The following SAMMSON variants were observed in gnomAD, a reference collection of about 807,000 sequenced individuals.
SAMMSON encodes long intergenic non-protein coding RNA 1212.
At chr3:70,118,836 C>G (rs914459332) in intron 4 of SAMMSON, among the ~76,000 whole-genome samples, 2 of 152,162 alleles carry the variant, frequency 1.3e-5, no homozygotes, top group African/African-American at 4.8e-5. Flanking sequence ...CAAAGACATA[C>G]TACTCTTAAG....
At chr3:70,133,318 A>G (rs565686760) in intron 4 of SAMMSON, among the ~76,000 whole-genome samples, 1 of 152,280 alleles carries the variant, frequency 6.6e-6, no homozygotes, top group East Asian at 1.9e-4. Flanking sequence ...ACGCAAAAGG[A>G]CAGGGTTCAG....
chr3:70,393,729 G>A (rs368865471), downstream of SAMMSON, among the ~76,000 whole-genome samples: 5 of 152,176 alleles, frequency 3.3e-5, no homozygotes, highest in South Asian at 2.1e-4. Context: ...CAGGTGCAAA[G>A]GTCTGGAGGT....
At chr3:70,281,740 G>A (rs536190150) in intron 6 of SAMMSON, among the ~76,000 whole-genome samples, 9 of 152,174 alleles carry the variant, frequency 5.9e-5, no homozygotes, top group South Asian at 2.1e-4. Flanking sequence ...TTGGAATTCC[G>A]ATAGAGAATC....
At chr3:70,073,391 G>A (rs548435162) in intron 4 of SAMMSON, among the ~76,000 whole-genome samples, 181 of 152,126 alleles carry the variant, frequency 1.2e-3, no homozygotes, top group Non-Finnish European at 1.9e-3. Context: ...TGCCCACTAT[G>A]TGCTGGTTCT....
In SAMMSON at chr3:70,044,699, A is replaced by C. The variant is rs1046713918; in HGVS notation, n.418-26777A>C. On this transcript the variant is annotated intron_variant and non_coding_transcript_variant, in intron 3 of 9. Transcript: ENST00000642114. ...ACACACACATGCACAAATAAAACAA[A>C]AACTGGAAGTTCTTCTAAGCAATAT... is the stretch of plus-strand genomic sequence containing the variant. 4.6e-4 allele frequency among the ~76,000 whole-genome samples: 70 copies of C among 151,908 alleles called. 1 individual carries two copies. The highest frequency in any genetic ancestry group is 4.6e-3 in the Admixed American group (70 of 15,206).
intron 4 of SAMMSON, among the ~76,000 whole-genome samples, chr3:70,148,156 C>T (rs1421963912): frequency 6.6e-6 from 1 of 152,068 alleles, no homozygotes; most frequent in Non-Finnish European, 1.5e-5. Flanking sequence ...GAATGTGGAG[C>T]AACTGGAATT....
chr3:70,206,489 T>C (rs564431571), intron 4 of SAMMSON: 5 of 396,094 alleles, frequency 1.3e-5, no homozygotes, highest in Non-Finnish European at 2.2e-5. Flanking sequence ...TTTTTTTTCC[T>C]AACAGCATAT....
chr3:70,190,892 T>A (rs1459773620), intron 4 of SAMMSON, among the ~76,000 whole-genome samples: 2 of 152,128 alleles, frequency 1.3e-5, no homozygotes, highest in African/African-American at 4.8e-5. Flanking sequence ...AATTATAGGA[T>A]CACAGCAATG....
intron 4 of SAMMSON, among the ~76,000 whole-genome samples, chr3:70,159,040 A>T (rs2106691876): frequency 6.6e-6 from 1 of 152,022 alleles, no homozygotes; most frequent in East Asian, 1.9e-4. Flanking sequence ...AAAATTGACC[A>T]GTCATTTTAC....
chr3:70,154,405 A>G (rs34556593), intron 4 of SAMMSON, among the ~76,000 whole-genome samples: 1 of 151,842 alleles, frequency 6.6e-6, no homozygotes, highest in Non-Finnish European at 1.5e-5. Flanking sequence ...GGCATAGCCA[A>G]GTCATAAGGC....
At chr3:70,389,869 G>A (rs1230867199), downstream of SAMMSON, 1 of 152,110 alleles carries the variant, frequency 6.6e-6, no homozygotes, top group Non-Finnish European at 1.5e-5. Context: ...CAAAATCCTG[G>A]TTTAAGTAGA....
At chr3:70,146,832 C>G (rs541124036) in intron 4 of SAMMSON, among the ~76,000 whole-genome samples, 1 of 151,964 alleles carries the variant, frequency 6.6e-6, no homozygotes, top group Non-Finnish European at 1.5e-5. Flanking sequence ...TCCAGTACAA[C>G]CAAGCTAGAA....
At chr3:70,333,956 T>C (rs1239562878) in intron 7 of SAMMSON, among the ~76,000 whole-genome samples, 1 of 152,216 alleles carries the variant, frequency 6.6e-6, no homozygotes, top group Non-Finnish European at 1.5e-5. Context: ...GATGGTCACC[T>C]ATTACACAGG....
intron 4 of SAMMSON, among the ~76,000 whole-genome samples, chr3:70,227,008 C>T (rs1315128047): frequency 1.3e-5 from 2 of 151,882 alleles, no homozygotes; most frequent in Non-Finnish European, 2.9e-5. Context: ...GGATGGACCT[C>T]GAAAAAATAC....
intron 3 of SAMMSON, among the ~76,000 whole-genome samples, chr3:70,067,071 T>C (rs1056776934): frequency 3.3e-5 from 5 of 152,088 alleles, no homozygotes; most frequent in African/African-American, 1.2e-4. Context: ...GAAAGAATTC[T>C]AATCTAATAA....
chr3:70,274,861 A>G (rs1039301928), intron 6 of SAMMSON, among the ~76,000 whole-genome samples: 2 of 152,186 alleles, frequency 1.3e-5, no homozygotes, highest in African/African-American at 4.8e-5. Context: ...TAAAACCCAA[A>G]TGTCCTACTA....
Position 70,180,729 on chromosome 3 carries a change from T to A in SAMMSON, n.508-68378T>A, listed in dbSNP as rs541181685. Among the ~76,000 whole-genome samples, 4 of 152,306 alleles carry A rather than the reference T, an allele frequency of 2.6e-5. No individual in the cohort carries two copies. In the East Asian group the frequency reaches 7.7e-4, roughly 29 times the overall value. On this transcript the variant is annotated intron_variant and non_coding_transcript_variant, in intron 4 of 9. Transcript: ENST00000642114. ...CATTTAGTCTTCCAAAAATATTATA[T>A]CTGGGCCAACAATGGGATATACAGT...
At chr3:70,304,039 A>G (rs1307404090) in intron 7 of SAMMSON, among the ~76,000 whole-genome samples, 2 of 152,146 alleles carry the variant, frequency 1.3e-5, no homozygotes, top group African/African-American at 4.8e-5. Flanking sequence ...AATATAAACT[A>G]TATCTTTAGT....
At chr3:70,434,314 TTA>T in intron 2 of SAMMSON, among the ~76,000 whole-genome samples, 1 of 152,332 alleles carries the variant, frequency 6.6e-6, no homozygotes, top group South Asian at 2.1e-4. Context: ...CATCAAAGTT[TTA>T]TAGTTTTCCT....
Sources: allele counts gnomAD v4.1 joint callset (sites outside exome capture counted in the v4.1 genomes callset), GRCh38; gene constraint gnomAD v4.1.1; transcripts MANE v1.5; gene names NCBI Gene and HGNC (gene_info 2026-07-23, HGNC 2026-07-21).